RCN2: variants seen among roughly 807,000 people sequenced by gnomAD.
RCN2 encodes reticulocalbin-2.
A neutral mutation model predicts 37.5 loss-of-function variants in RCN2; 23 were observed. The observed-to-expected ratio is 0.61, with a 90% confidence interval of 0.44 to 0.87. The LOEUF (loss-of-function observed/expected upper bound fraction) is 0.87, where lower values mean the gene tolerates loss of function less well. RCN2 is among the 40% of genes least tolerant of loss of function. The probability of loss-of-function intolerance (pLI) is 0.00; values close to 1 mark genes in which losing one functional copy is unlikely to be tolerated. For synonymous variants in RCN2, 140 were observed against 144.6 expected (o/e 0.97, Z 0.23); for missense variants, 381 against 390.4 (o/e 0.98, Z 0.20).
rs1316973509 is a variant in RCN2, at chr15:76,954,273, A to C, written c.*5051A>C. On this transcript the variant is annotated 3_prime_UTR_variant, in exon 7 of 7. Coordinates refer to ENST00000394885, the MANE Select transcript of RCN2 (RefSeq NM_002902.3). ...GTGAGAAATGTCAACTCAAACTTAC[A>C]CTTTTTCACTTAGGAAGATGATTTA... 1 of 152,054 alleles carries C rather than the reference A, an allele frequency of 6.6e-6. No individual in the cohort carries two copies. The highest frequency in any genetic ancestry group is 1.5e-5 in the Non-Finnish European group (1 of 68,000). 9.4% of individuals were successfully genotyped at this position (152,054 alleles called of 1,614,324 possible). A position where few individuals can be genotyped will look rare whatever the true frequency, so the allele number is the denominator to read the frequency against.
At chr15:76,935,831 C>G (rs995382422) in intron 3 of RCN2, 109 bp downstream of exon 3, 1 of 760,630 alleles carries the variant, frequency 1.3e-6, no homozygotes, top group African/African-American at 1.8e-5. Flanking sequence ...TTGTCTTGTT[C>G]TCTAGGAAAT....
intron 3 of RCN2, chr15:76,941,569 T>C: frequency 3.5e-6 from 3 of 864,874 alleles, no homozygotes; most frequent in Non-Finnish European, 5.3e-6. Context: ...ACAAAGTTTT[T>C]ATATACAAGA....
chr15:76,943,520 G>A (rs1178183624), intron 3 of RCN2: 7 of 350,078 alleles, frequency 2.0e-5, no homozygotes, highest in Non-Finnish European at 3.6e-5. Flanking sequence ...AGCAGTTTGC[G>A]CTGACACCAC....
At chr15:76,940,653 A>G (rs1038584369) in intron 3 of RCN2, among the ~76,000 whole-genome samples, 13 of 150,780 alleles carry the variant, frequency 8.6e-5, no homozygotes, top group African/African-American at 3.2e-4. Context: ...GATTCAAGCA[A>G]TTCTCCTGCC....
chr15:76,937,034 C>T (rs570277490), intron 3 of RCN2, among the ~76,000 whole-genome samples: 3 of 152,246 alleles, frequency 2.0e-5, no homozygotes, highest in Non-Finnish European at 2.9e-5. Flanking sequence ...AATCATACGC[C>T]GTATTTGTCT....
chr15:76,946,456 AAAAG>A (rs1477860939), intron 4 of RCN2, among the ~76,000 whole-genome samples: 4 of 152,102 alleles, frequency 2.6e-5, no homozygotes, highest in Non-Finnish European at 5.9e-5. Context: ...GTTAAAAAAA[AAAAG>A]AAGGGGGAGG....
intron 3 of RCN2, among the ~76,000 whole-genome samples, chr15:76,939,101 C>T (rs1321285374): frequency 6.6e-6 from 1 of 152,106 alleles, no homozygotes; most frequent in Non-Finnish European, 1.5e-5. Context: ...GCATGATGGT[C>T]CGTCCTGTGA....
In RCN2 at chr15:76,932,690, C is replaced by T. The variant is rs78999613; in HGVS notation, c.250+224C>T. On this transcript the variant is annotated intron_variant, in intron 2 of 6. Transcript: ENST00000394885. Reference sequence around the variant, plus strand: ...ATATAAACATCATTGACCCTGTACTCTATGTGGAAGTCACACCTTGAGACA... The same window carrying T: ...ATATAAACATCATTGACCCTGTACTTTATGTGGAAGTCACACCTTGAGACA... 4.9e-3 allele frequency among the ~76,000 whole-genome samples: 750 copies of T among 152,276 alleles called. 9 individuals are homozygous for T. Among genetic ancestry groups the T allele is most frequent in the African/African-American group, 0.018 (729 of 41,540 alleles).
chr15:76,942,684 G>C (rs1244670689), intron 3 of RCN2: 1 of 152,266 alleles, frequency 6.6e-6, no homozygotes, highest in African/African-American at 2.4e-5. Context: ...ACTCATGCCT[G>C]TAGTCCCAGC....
chr15:76,932,076 A>T (rs1251769665), intron 1 of RCN2, 91 bp downstream of exon 1: 1 of 1,177,460 alleles, frequency 8.5e-7, no homozygotes, highest in Non-Finnish European at 1.1e-6. Flanking sequence ...CGGCCGGGCG[A>T]GGCCTGGCAG....
chr15:76,947,132 G>C (rs1486938072), intron 4 of RCN2, among the ~76,000 whole-genome samples: 1 of 152,178 alleles, frequency 6.6e-6, no homozygotes, highest in Non-Finnish European at 1.5e-5. Context: ...GAGAGTGAAA[G>C]TGGAGTTCTT....
chr15:76,935,965 C>T (rs1568459100), intron 3 of RCN2, among the ~76,000 whole-genome samples: 1 of 152,178 alleles, frequency 6.6e-6, no homozygotes, highest in Non-Finnish European at 1.5e-5. Flanking sequence ...TAATTGTCCT[C>T]ATTTCCAGAG....
chr15:76,934,440 C>A (rs1283918374), intron 2 of RCN2, among the ~76,000 whole-genome samples: 1 of 152,166 alleles, frequency 6.6e-6, no homozygotes, highest in Non-Finnish European at 1.5e-5. Flanking sequence ...CTGAGCCCAG[C>A]CAAATAGATT....
Position 76,949,145 on chromosome 15 carries a change from G to T in RCN2, c.877G>T (p.Asp293Tyr). ...TGAAGAAGAGATTCTGGAAAACCCG[G>T]ACTTGTTTCTCACCAGTGAAGCCAC... The part of the protein sequence containing the change: ...LSEEEILENP[D>Y]LFLTSEATDY... The change falls in exon 7 of 7, where the codon GAC (aspartate) becomes TAC (tyrosine). Residue 293 changes from aspartate (D) to tyrosine (Y), a missense_variant. Coordinates refer to ENST00000394885, the MANE Select transcript of RCN2 (RefSeq NM_002902.3). The T allele has an allele frequency of 1.2e-6, 2 of 1,613,180 alleles. No individual in the cohort carries two copies. Among genetic ancestry groups the T allele is most frequent in the Non-Finnish European group, 1.7e-6 (2 of 1,179,578 alleles).
At chr15:76,938,246 A>G (rs146632657) in intron 3 of RCN2, among the ~76,000 whole-genome samples, 1 of 152,320 alleles carries the variant, frequency 6.6e-6, no homozygotes, top group East Asian at 1.9e-4. Context: ...TTGTGGCCAT[A>G]ATTTATTGTA....
In RCN2 at chr15:76,953,838, A is replaced by G. The variant is rs865949341; in HGVS notation, c.*4616A>G. The G allele has an allele frequency of 5.4e-3, 804 of 149,164 alleles. 7 individuals are homozygous for G. The highest frequency in any genetic ancestry group is 0.019 in the African/African-American group (775 of 40,706). 9.2% of individuals were successfully genotyped at this position (149,164 alleles called of 1,614,324 possible). Reference sequence around the variant, plus strand: ...TAGCCAGGATGGTCTTGATCTGCTGACCTCGTGATCCGCCCGCCTTGGCCT... The same window carrying G: ...TAGCCAGGATGGTCTTGATCTGCTGGCCTCGTGATCCGCCCGCCTTGGCCT... On this transcript the variant is annotated 3_prime_UTR_variant, in exon 7 of 7. Coordinates refer to ENST00000394885, the MANE Select transcript of RCN2 (RefSeq NM_002902.3).
intron 3 of RCN2, among the ~76,000 whole-genome samples, chr15:76,938,358 G>T (rs945080051): frequency 2.6e-5 from 4 of 152,190 alleles, no homozygotes; most frequent in Non-Finnish European, 4.4e-5. Context: ...GATATGTGTA[G>T]GTTATATGCA....
At position 76,954,038 on chromosome 15, in the gene RCN2, T is replaced by C. The variant is rs1308430557; in HGVS notation, c.*4816T>C. On this transcript the variant is annotated 3_prime_UTR_variant, in exon 7 of 7. Coordinates refer to ENST00000394885, the MANE Select transcript of RCN2 (RefSeq NM_002902.3). ...ATCCTTACCAACACTTGCTATTTTCTGTTTTTTTTTTTTTCTTTTTTTTTT... is the reference window on the plus strand; with the variant it reads ...ATCCTTACCAACACTTGCTATTTTCCGTTTTTTTTTTTTTCTTTTTTTTTT... 1 of 95,256 alleles carries C rather than the reference T, an allele frequency of 1.0e-5. No individual in the cohort carries two copies. The highest frequency in any genetic ancestry group is 2.6e-5 in the Non-Finnish European group (1 of 38,396). 5.9% of individuals were successfully genotyped at this position (95,256 alleles called of 1,614,324 possible).
intron 2 of RCN2, among the ~76,000 whole-genome samples, chr15:76,933,310 A>T (rs1176904525): frequency 2.0e-5 from 3 of 152,264 alleles, no homozygotes; most frequent in African/African-American, 7.2e-5. Context: ...GTTCACCATC[A>T]AGGAATTAAG....
Sources: gnomAD v4.1 joint callset for allele counts (sites outside exome capture counted in the v4.1 genomes callset) on GRCh38, gnomAD v4.1.1 for gene constraint, MANE v1.5 for transcripts, NCBI Gene and HGNC (gene_info 2026-07-23, HGNC 2026-07-21) for gene names.